The following GABBR2 variants were observed in gnomAD, a reference collection of about 807,000 sequenced individuals.
The protein encoded by GABBR2 is gamma-aminobutyric acid type B receptor subunit 2.
In GABBR2, 23 loss-of-function variants were observed where a neutral mutation model predicts 105.6. The ratio of observed to expected loss-of-function variants is 0.22; its 90% CI spans 0.16 to 0.31. The LOEUF (loss-of-function observed/expected upper bound fraction) is 0.31, where lower values mean the gene tolerates loss of function less well. Ranked by LOEUF, GABBR2 falls within the 10% of genes least tolerant of loss-of-function variation. The probability of loss-of-function intolerance (pLI) is 1.00; values close to 1 mark genes in which losing one functional copy is unlikely to be tolerated. For synonymous variants in GABBR2, 478 were observed against 499.7 expected (o/e 0.96, Z 0.58); for missense variants, 734 against 1,245.5 (o/e 0.59, Z 6.18).
At chr9:98,546,606 T>A (rs961712802) in intron 2 of GABBR2, among the ~76,000 whole-genome samples, 4 of 152,260 alleles carry the variant, frequency 2.6e-5, no homozygotes, top group Non-Finnish European at 5.9e-5. Context: ...ACCCTTACTG[T>A]ATTTTTGCTT....
chr9:98,412,888 C>T (rs1832614542), intron 7 of GABBR2, among the ~76,000 whole-genome samples: 1 of 152,230 alleles, frequency 6.6e-6, no homozygotes, highest in Non-Finnish European at 1.5e-5. Flanking sequence ...GGGTTCCCCA[C>T]TCAGTCTATC....
intron 1 of GABBR2, among the ~76,000 whole-genome samples, chr9:98,589,404 A>G (rs1829117212): frequency 6.6e-6 from 1 of 152,202 alleles, no homozygotes; most frequent in African/African-American, 2.4e-5. Context: ...ATAAGCAAGA[A>G]ATAACTTTCA....
At chr9:98,422,253 G>A (rs1213176812) in intron 7 of GABBR2, among the ~76,000 whole-genome samples, 1 of 152,162 alleles carries the variant, frequency 6.6e-6, no homozygotes, top group Non-Finnish European at 1.5e-5. Context: ...TTAAAGTGAT[G>A]TTGCTTTACA....
At chr9:98,621,655 AAT>A (rs753956578) in intron 1 of GABBR2, among the ~76,000 whole-genome samples, 8 of 152,208 alleles carry the variant, frequency 5.3e-5, no homozygotes, top group Non-Finnish European at 4.4e-5. Flanking sequence ...TAGCCCAGAA[AAT>A]TAAGGTCCCT....
intron 3 of GABBR2, among the ~76,000 whole-genome samples, chr9:98,537,386 A>T (rs905279076): frequency 6.6e-6 from 1 of 152,138 alleles, no homozygotes; most frequent in African/African-American, 2.4e-5. Flanking sequence ...ACAAATGGGC[A>T]CATGGGAATT....
chr9:98,306,466 G>C lies in GABBR2; in HGVS notation c.2005-121C>G. ...AGGTGGGCTGCAGGGAGGGAGGGTC[G>C]GGGGCCTTGCTGTCAGCCGGGTCTT... On this transcript the variant is annotated intron_variant, in intron 14 of 18. Coordinates refer to ENST00000259455, the MANE Select transcript of GABBR2 (RefSeq NM_005458.8). The surrounding 1 kb of genome is among the most constrained non-coding windows in gnomAD (Gnocchi z 5.4). 3.0e-6 allele frequency: 2 copies of C among 667,308 alleles called. 1 individual carries two copies. Among genetic ancestry groups the C allele is most frequent in the East Asian group, 5.5e-5 (2 of 36,622 alleles). 41.3% of individuals were successfully genotyped at this position (667,308 alleles called of 1,614,324 possible). A position where few individuals can be genotyped will look rare whatever the true frequency, so the allele number is the denominator to read the frequency against.
chr9:98,497,513 T>C (rs1468184993), intron 3 of GABBR2, among the ~76,000 whole-genome samples: 1 of 152,180 alleles, frequency 6.6e-6, no homozygotes, highest in Non-Finnish European at 1.5e-5. Context: ...CTCTGACATA[T>C]AGCAATGGAA....
At chr9:98,557,696 C>T (rs970902982) in intron 2 of GABBR2, among the ~76,000 whole-genome samples, 1 of 152,104 alleles carries the variant, frequency 6.6e-6, no homozygotes, top group Non-Finnish European at 1.5e-5. Context: ...TCAAGTGAGT[C>T]CCAGATGACT....
At chr9:98,679,094 A>C (rs1458883257) in intron 1 of GABBR2, among the ~76,000 whole-genome samples, 2 of 152,222 alleles carry the variant, frequency 1.3e-5, no homozygotes, top group Non-Finnish European at 2.9e-5. Flanking sequence ...CCCAAGCAGT[A>C]GGCAAACAGC....
intron 1 of GABBR2, among the ~76,000 whole-genome samples, chr9:98,648,366 C>G (rs1405276607): frequency 6.6e-6 from 1 of 152,058 alleles, no homozygotes; most frequent in Non-Finnish European, 1.5e-5. Context: ...CCCCTGACCT[C>G]AGGTGATCCA....
chr9:98,674,846 G>A (rs992762326), intron 1 of GABBR2, among the ~76,000 whole-genome samples: 3 of 152,208 alleles, frequency 2.0e-5, no homozygotes, highest in Non-Finnish European at 4.4e-5. Flanking sequence ...GTGCATGTGA[G>A]CCATCCACAG....
At position 98,306,643 on chromosome 9, in the gene GABBR2, A is replaced by T; in HGVS notation, c.2005-298T>A. The stretch of plus-strand genomic sequence containing the variant: ...AGGCTACAGTGGAAGGGAACTTCAG[A>T]TAAGATCTCAGCTTTCTCCCTCACT... On this transcript the variant is annotated intron_variant, in intron 14 of 18. Transcript: ENST00000259455. This position sits in a 1 kb window ranked among gnomAD's most constrained non-coding sequence, Gnocchi z 5.4. 2.2e-6 allele frequency: 1 copy of T among 448,602 alleles called. No homozygotes were observed. The highest frequency in any genetic ancestry group is 4.1e-6 in the Non-Finnish European group (1 of 243,998). 27.8% of individuals were successfully genotyped at this position (448,602 alleles called of 1,614,324 possible).
rs61216428 is a variant in GABBR2 at position 98,390,375 on chromosome 9, C to CAAAAAAAAAA, written c.1379-1381_1379-1372dup. Among the ~76,000 whole-genome samples the CAAAAAAAAAA allele has an allele frequency of 5.4e-3, 176 of 32,426 alleles. 36 individuals are homozygous for CAAAAAAAAAA. The highest frequency in any genetic ancestry group is 0.017 in the African/African-American group (171 of 9,936). The allele number at this position is 32,426 out of a possible 152,430, so 21.3% of individuals were successfully genotyped here. On this transcript the variant is annotated intron_variant, in intron 9 of 18. Coordinates refer to ENST00000259455, the MANE Select transcript of GABBR2 (RefSeq NM_005458.8). ...GGTGACAGAGCAAGACTCCATCTCA[C>CAAAAAAAAAA]AAAAAAAAAAAAAAAAAAAAAAAAA...
At chr9:98,403,293 C>CA (rs546167489) in intron 8 of GABBR2, among the ~76,000 whole-genome samples, 55,025 of 86,190 alleles carry the variant, frequency 0.64, 17,419 homozygotes, top group Admixed American at 0.74. Context: ...GACTCCGTCT[C>CA]AAAAAAAAAA....
At chr9:98,399,104 C>T (rs1289625591) in intron 8 of GABBR2, among the ~76,000 whole-genome samples, 1 of 152,058 alleles carries the variant, frequency 6.6e-6, no homozygotes, top group Non-Finnish European at 1.5e-5. Flanking sequence ...GCCTGTAATC[C>T]CAGCACTTTG....
intron 12 of GABBR2, among the ~76,000 whole-genome samples, chr9:98,363,847 G>A (rs1419615185): frequency 2.0e-5 from 3 of 151,998 alleles, no homozygotes; most frequent in Admixed American, 6.6e-5. Context: ...AAATATTTTC[G>A]GTGCCAAAGC....
intron 13 of GABBR2, 95 bp from the exon 14 acceptor site, chr9:98,311,300 A>G: frequency 1.4e-6 from 1 of 727,088 alleles, no homozygotes; most frequent in Non-Finnish European, 2.4e-6. Context: ...CCTGTGAGCC[A>G]TAGCCAATGC....
chr9:98,497,830 C>T (rs886220217), intron 3 of GABBR2, among the ~76,000 whole-genome samples: 1 of 152,064 alleles, frequency 6.6e-6, no homozygotes, highest in African/African-American at 2.4e-5. Flanking sequence ...AGCAGCCCCT[C>T]AAAAAAATAA....
intron 6 of GABBR2, among the ~76,000 whole-genome samples, chr9:98,456,900 T>C (rs1177741149): frequency 6.6e-6 from 1 of 152,260 alleles, no homozygotes; most frequent in African/African-American, 2.4e-5. Flanking sequence ...GTGAATTTCC[T>C]AATTATGTTA....
Sources: allele counts gnomAD v4.1 joint callset (sites outside exome capture counted in the v4.1 genomes callset), GRCh38; gene constraint gnomAD v4.1.1; non-coding constraint Gnocchi (gnomAD v3.1); transcripts MANE v1.5; gene names NCBI Gene and HGNC (gene_info 2026-07-23, HGNC 2026-07-21).